VPS8: variants seen among roughly 807,000 people sequenced by gnomAD.
VPS8 encodes the protein VPS8 subunit of CORVET complex, also known as vacuolar protein sorting-associated protein 8 homolog.
Under a neutral mutation model 216.4 loss-of-function variants are expected in VPS8, and 129 were observed. The ratio of observed to expected loss-of-function variants is 0.60; its 90% CI spans 0.52 to 0.69. VPS8 has a LOEUF of 0.69. Ranked by LOEUF, VPS8 falls within the 30% of genes least tolerant of loss-of-function variation. VPS8 has a pLI of 0.00. For synonymous variants in VPS8, 571 were observed against 565.4 expected (o/e 1.01, Z -0.14); for missense variants, 1,531 against 1,683.5 (o/e 0.91, Z 1.59).
intron 21 of VPS8, among the ~76,000 whole-genome samples, chr3:184,875,682 G>A (rs575054493): frequency 3.9e-5 from 6 of 151,956 alleles, no homozygotes; most frequent in Non-Finnish European, 8.8e-5. Context: ...TATAGAGCCA[G>A]ACATCTTACA....
chr3:184,946,454 A>G (rs892762791), intron 36 of VPS8, among the ~76,000 whole-genome samples: 3 of 152,242 alleles, frequency 2.0e-5, no homozygotes, highest in African/African-American at 7.2e-5. Flanking sequence ...TCTCACCGTC[A>G]TCATCTTTGC....
At chr3:184,862,852 G>A in intron 15 of VPS8, 45 bp from the exon 16 acceptor site, 1 of 1,575,612 alleles carries the variant, frequency 6.3e-7, no homozygotes. Context: ...AAATGATGAA[G>A]CGGGTGTGGT....
At chr3:184,846,155 A>G (rs765889468) in intron 8 of VPS8, among the ~76,000 whole-genome samples, 4 of 152,368 alleles carry the variant, frequency 2.6e-5, no homozygotes, top group Admixed American at 1.3e-4. Context: ...AAATCCAGGT[A>G]TCTGGTTTCA....
At chr3:184,964,034 T>C (rs1746975650) in intron 37 of VPS8, among the ~76,000 whole-genome samples, 1 of 152,044 alleles carries the variant, frequency 6.6e-6, no homozygotes, top group Non-Finnish European at 1.5e-5. Flanking sequence ...CTCCCTAGCC[T>C]AACTGATACT....
chr3:184,956,678 G>A (rs1576977363), intron 36 of VPS8, among the ~76,000 whole-genome samples: 1 of 152,284 alleles, frequency 6.6e-6, no homozygotes, highest in African/African-American at 2.4e-5. Flanking sequence ...GTGCTTGAGT[G>A]GCCAGTATGA....
chr3:184,966,032 G>A, intron 38 of VPS8, among the ~76,000 whole-genome samples: 1 of 152,122 alleles, frequency 6.6e-6, no homozygotes, highest in East Asian at 1.9e-4. Flanking sequence ...ACTTGAGGCT[G>A]GGTAATTTTT....
At chr3:184,825,292 A>G (rs1718511130) in intron 2 of VPS8, among the ~76,000 whole-genome samples, 1 of 152,222 alleles carries the variant, frequency 6.6e-6, no homozygotes, top group Non-Finnish European at 1.5e-5. Flanking sequence ...CATTGTATAG[A>G]TGAAGACACT....
chr3:184,878,838 C>A (rs1024873443), intron 21 of VPS8, among the ~76,000 whole-genome samples: 1 of 152,118 alleles, frequency 6.6e-6, no homozygotes, highest in African/African-American at 2.4e-5. Flanking sequence ...GTATACCAAT[C>A]CTGGGGATAC....
At chr3:184,922,530 G>A (rs1036128268) in intron 29 of VPS8, 8 of 401,794 alleles carry the variant, frequency 2.0e-5, no homozygotes, top group Non-Finnish European at 3.4e-5. Context: ...TACTAAGTTG[G>A]AAGAGTGATC....
Position 184,925,071 on chromosome 3 carries a change from A to G in VPS8, c.2574+90A>G, listed in dbSNP as rs1292063757. 2.0e-6 allele frequency: 3 copies of G among 1,478,780 alleles called. No homozygotes were observed. In the East Asian group the frequency reaches 7.4e-5, roughly 36 times the overall value. 91.6% of individuals were successfully genotyped at this position (1,478,780 alleles called of 1,614,324 possible). ...ACACTGTTTCCTGATGTGACAGACT[A>G]TTGGGTAAATACCTTATCAAGGAGA... On this transcript the variant is annotated intron_variant, in intron 30 of 47. Coordinates refer to ENST00000625842, the MANE Select transcript of VPS8 (RefSeq NM_001009921.3).
intron 42 of VPS8, among the ~76,000 whole-genome samples, chr3:184,989,737 T>C (rs1378217206): frequency 6.6e-6 from 1 of 152,098 alleles, no homozygotes; most frequent in East Asian, 1.9e-4. Flanking sequence ...TGTGTCTGGT[T>C]TTGGTATTAG....
chr3:184,866,836 G>A (rs768052154), intron 16 of VPS8, 40 bp from the exon 17 acceptor site: 1 of 1,571,168 alleles, frequency 6.4e-7, no homozygotes, highest in Non-Finnish European at 8.7e-7. Context: ...AAATACAAAG[G>A]AATTTTTTTA....
At chr3:184,900,727 G>T (rs1024163367) in intron 24 of VPS8, among the ~76,000 whole-genome samples, 194 bp from the exon 25 acceptor site, 3 of 151,984 alleles carry the variant, frequency 2.0e-5, no homozygotes, top group Non-Finnish European at 4.4e-5. Context: ...TTTCGGTGAG[G>T]AATATGACAA....
chr3:184,846,536 C>T (rs958233662), intron 8 of VPS8, among the ~76,000 whole-genome samples: 2 of 152,128 alleles, frequency 1.3e-5, no homozygotes, highest in Non-Finnish European at 1.5e-5. Flanking sequence ...AAAGTATGAA[C>T]GTTGTTAAAT....
chr3:184,907,064 T>G (rs1277733846), intron 25 of VPS8, among the ~76,000 whole-genome samples: 1 of 152,182 alleles, frequency 6.6e-6, no homozygotes, highest in Admixed American at 6.5e-5. Context: ...TAACGACATG[T>G]GTCCAAGATG....
At chr3:184,966,492 A>T (rs143061733) in intron 38 of VPS8, among the ~76,000 whole-genome samples, 179 bp from the exon 39 acceptor site, 46 of 152,330 alleles carry the variant, frequency 3.0e-4, no homozygotes, top group Non-Finnish European at 5.1e-4. Context: ...GTCCCTTTTC[A>T]TACTGCTAGC....
intron 21 of VPS8, among the ~76,000 whole-genome samples, chr3:184,885,751 A>G (rs1022905380): frequency 6.6e-6 from 1 of 152,194 alleles, no homozygotes; most frequent in Non-Finnish European, 1.5e-5. Flanking sequence ...TTAAATAACA[A>G]AATTTACTTA....
intron 40 of VPS8, among the ~76,000 whole-genome samples, chr3:184,972,166 G>A (rs1748536504): frequency 6.6e-6 from 1 of 152,064 alleles, no homozygotes; most frequent in Non-Finnish European, 1.5e-5. Context: ...AATTCAAGTG[G>A]ATTTTAATCA....
chr3:184,895,793 C>G (rs1300162263), intron 23 of VPS8, among the ~76,000 whole-genome samples: 2 of 148,672 alleles, frequency 1.3e-5, no homozygotes, highest in African/African-American at 5.0e-5. Flanking sequence ...GCTACTGTGC[C>G]CAGCTAATTT....
Sources: gnomAD v4.1 joint callset for allele counts (sites outside exome capture counted in the v4.1 genomes callset) on GRCh38, gnomAD v4.1.1 for gene constraint, MANE v1.5 for transcripts, NCBI Gene and HGNC (gene_info 2026-07-23, HGNC 2026-07-21) for gene names.